Variants in LRRC4C observed in about 807,000 individuals in gnomAD.
LRRC4C encodes leucine rich repeat containing 4C, also known as leucine-rich repeat-containing protein 4C.
LRRC4C carries 5 observed loss-of-function variants against 33.6 expected under a neutral mutation model. The ratio of observed to expected loss-of-function variants is 0.15; its 90% confidence interval spans 0.08 to 0.31. The LOEUF is 0.31. Ranked by LOEUF, LRRC4C falls within the 10% of genes least tolerant of loss-of-function variation. LRRC4C has a pLI of 1.00. For synonymous variants in LRRC4C, 329 were observed against 302.0 expected (o/e 1.09, Z -0.93); for missense variants, 560 against 796.7 (o/e 0.70, Z 3.58).
At chr11:40,540,456 TGCA>T (rs1398377839) in intron 3 of LRRC4C, among the ~76,000 whole-genome samples, 1 of 152,174 alleles carries the variant, frequency 6.6e-6, no homozygotes, top group African/African-American at 2.4e-5. Flanking sequence ...AAGGCTTCTG[TGCA>T]GCTTCTTCTT....
intron 3 of LRRC4C, among the ~76,000 whole-genome samples, chr11:40,514,212 T>C (rs914460901): frequency 1.8e-4 from 27 of 152,160 alleles, no homozygotes; most frequent in Non-Finnish European, 2.4e-4. Flanking sequence ...CTAACTTCAA[T>C]ACTTTTATTT....
At chr11:41,041,685 A>G (rs906086513) in intron 1 of LRRC4C, among the ~76,000 whole-genome samples, 4 of 152,164 alleles carry the variant, frequency 2.6e-5, no homozygotes, top group African/African-American at 9.7e-5. Context: ...ATAAACATAC[A>G]CACTCACATA....
intron 5 of LRRC4C, among the ~76,000 whole-genome samples, chr11:40,226,249 G>A (rs190373705): frequency 5.3e-5 from 8 of 151,976 alleles, no homozygotes; most frequent in Non-Finnish European, 1.0e-4. Flanking sequence ...CTAGTATATC[G>A]GCAACAATGA....
intron 1 of LRRC4C, among the ~76,000 whole-genome samples, chr11:40,986,639 A>C (rs1332791598): frequency 6.6e-6 from 1 of 152,126 alleles, no homozygotes; most frequent in Non-Finnish European, 1.5e-5. Flanking sequence ...CTGAAGGCAG[A>C]GTTGAGAAAA....
intron 3 of LRRC4C, among the ~76,000 whole-genome samples, chr11:40,323,890 G>A (rs1451463108): frequency 6.6e-6 from 1 of 152,186 alleles, no homozygotes; most frequent in East Asian, 1.9e-4. Flanking sequence ...AGACTGAGGA[G>A]AATCAAGGAC....
At chr11:41,381,041 G>T (rs948752459) in intron 1 of LRRC4C, among the ~76,000 whole-genome samples, 2 of 152,116 alleles carry the variant, frequency 1.3e-5, no homozygotes, top group African/African-American at 4.8e-5. Flanking sequence ...TGCACGGTCT[G>T]AAAATCTGAA....
intron 1 of LRRC4C, among the ~76,000 whole-genome samples, chr11:41,235,834 G>A (rs1947998414): frequency 6.6e-6 from 1 of 152,006 alleles, no homozygotes; most frequent in African/African-American, 2.4e-5. Context: ...TATTCAAGTG[G>A]CATCTTTTAT....
intron 1 of LRRC4C, among the ~76,000 whole-genome samples, chr11:41,141,803 T>A (rs998840228): frequency 6.6e-6 from 1 of 152,166 alleles, no homozygotes; most frequent in Admixed American, 6.5e-5. Context: ...AATTAACCAA[T>A]CTCGGGTTAT....
intron 5 of LRRC4C, among the ~76,000 whole-genome samples, chr11:40,198,861 G>C (rs1026211151): frequency 7.9e-5 from 12 of 152,194 alleles, no homozygotes; most frequent in Admixed American, 2.6e-4. Flanking sequence ...ATACAAAAAT[G>C]TAAACCATGT....
intron 6 of LRRC4C, among the ~76,000 whole-genome samples, chr11:40,128,780 G>A (rs748788000): frequency 5.3e-5 from 8 of 152,120 alleles, no homozygotes; most frequent in Non-Finnish European, 1.0e-4. Context: ...TGCCTGCAAT[G>A]TGTATCCTTT....
intron 1 of LRRC4C, among the ~76,000 whole-genome samples, chr11:41,134,046 T>C (rs1035314402): frequency 6.6e-6 from 1 of 152,182 alleles, no homozygotes; most frequent in African/African-American, 2.4e-5. Context: ...GTGTTTTCAC[T>C]GGACCAGAGT....
intron 2 of LRRC4C, among the ~76,000 whole-genome samples, chr11:40,888,829 G>T (rs1955575708): frequency 6.6e-6 from 1 of 151,976 alleles, no homozygotes. Context: ...TGCTTATGAA[G>T]TAGCAATGGC....
At chr11:41,085,279 G>A (rs372567276) in intron 1 of LRRC4C, among the ~76,000 whole-genome samples, 7 of 152,006 alleles carry the variant, frequency 4.6e-5, no homozygotes, top group Non-Finnish European at 1.0e-4. Context: ...TAAACACCAC[G>A]TCATCTTTAC....
rs1030151366 is a variant in LRRC4C, at chr11:40,240,702, G to A, written c.-96+817C>T. On this transcript the variant is annotated intron_variant, in intron 5 of 6. Transcript: ENST00000528697. ...TTTTCAACTAACTAAAACCTATATG[G>A]GCATTTCTGTCCTCTACAGTATGAC... Among the ~76,000 whole-genome samples, 3 of 152,154 alleles carry A rather than the reference G, an allele frequency of 2.0e-5. No homozygotes were observed. The East Asian group carries it at 5.8e-4, about 29-fold the overall frequency.
At chr11:41,269,356 C>T (rs1949249123) in intron 1 of LRRC4C, among the ~76,000 whole-genome samples, 1 of 151,938 alleles carries the variant, frequency 6.6e-6, no homozygotes, top group African/African-American at 2.4e-5. Flanking sequence ...TCTAAATTGC[C>T]TTGCCCACAG....
chr11:40,350,085 A>G (rs772399033), intron 3 of LRRC4C, among the ~76,000 whole-genome samples: 2 of 151,988 alleles, frequency 1.3e-5, no homozygotes, highest in Non-Finnish European at 2.9e-5. Flanking sequence ...TGTAGAAACT[A>G]TTTAACTATA....
intron 1 of LRRC4C, among the ~76,000 whole-genome samples, chr11:41,318,488 T>A (rs1202376508): frequency 6.6e-6 from 1 of 152,166 alleles, no homozygotes. Flanking sequence ...TCATAAGAGA[T>A]TGAAGGTGGG....
At chr11:40,943,897 A>G (rs1044524031) in intron 1 of LRRC4C, among the ~76,000 whole-genome samples, 5 of 152,150 alleles carry the variant, frequency 3.3e-5, no homozygotes, top group Admixed American at 2.0e-4. Context: ...CTCTTCCCCA[A>G]TTTCACTTCC....
intron 1 of LRRC4C, among the ~76,000 whole-genome samples, chr11:41,266,099 G>T (rs920976540): frequency 6.6e-6 from 1 of 152,040 alleles, no homozygotes; most frequent in Non-Finnish European, 1.5e-5. Flanking sequence ...GAGAGAGTTT[G>T]CTCAGTTTCT....
Sources: gnomAD v4.1 joint callset for allele counts (sites outside exome capture counted in the v4.1 genomes callset) on GRCh38, gnomAD v4.1.1 for gene constraint, MANE v1.5 for transcripts, NCBI Gene and HGNC (gene_info 2026-07-23, HGNC 2026-07-21) for gene names.